DNAH17: variants seen among roughly 807,000 people sequenced by gnomAD.
The protein encoded by DNAH17 is dynein axonemal heavy chain 17, also known as axonemal beta dynein heavy chain 17.
A neutral mutation model predicts 485.6 loss-of-function variants in DNAH17; 376 were observed. The observed-to-expected ratio is 0.77, with a 90% confidence interval of 0.71 to 0.84. The LOEUF (loss-of-function observed/expected upper bound fraction) is 0.84, where lower values mean the gene tolerates loss of function less well. DNAH17 is among the 40% of genes least tolerant of loss of function. The pLI is 0.00. For missense variants in DNAH17, 6,370 were observed against 5,839.3 expected, an observed-to-expected ratio of 1.09 and a Z score of -2.96; for synonymous variants, 3,031 against 2,405.9, an observed-to-expected ratio of 1.26 and a Z score of -7.60.
At chr17:78,455,906 C>A in intron 62 of DNAH17, 70 bp from the exon 63 acceptor site, 1 of 1,271,146 alleles carries the variant, frequency 7.9e-7, no homozygotes, top group South Asian at 1.8e-5. Context: ...AAGCCTCCAC[C>A]TCTGCACCTC....
In DNAH17 at chr17:78,441,080, A is replaced by T; in HGVS notation, c.11648T>A (p.Val3883Asp). The T allele has an allele frequency of 6.2e-7, 1 of 1,607,330 alleles. No individual in the cohort carries two copies. ...TSIFFILSPGVDPLKDVEALG... is the reference protein window; with the variant it reads ...TSIFFILSPGDDPLKDVEALG... Reference sequence around the variant, plus strand: ...GGCTTCCACGTCTTTCAAGGGGTCAACCCCCGGGGAGAGGATGAAGAAGAT... The same window carrying T: ...GGCTTCCACGTCTTTCAAGGGGTCATCCCCCGGGGAGAGGATGAAGAAGAT... Residue 3883 changes from valine (V) to aspartate (D), a missense_variant, in exon 72 of 81, where the codon GTT becomes GAT. Val to Asp is a radical substitution (Grantham distance 152, BLOSUM62 -3). Transcript: ENST00000389840.
intron 25 of DNAH17, among the ~76,000 whole-genome samples, chr17:78,521,596 A>G (rs1263219640): frequency 1.3e-5 from 2 of 152,206 alleles, no homozygotes; most frequent in African/African-American, 2.4e-5. Flanking sequence ...AGCATAGGAG[A>G]AAATCTTTAG....
intron 80 of DNAH17, 44 bp from the exon 81 acceptor site, chr17:78,424,197 G>T: frequency 6.4e-7 from 1 of 1,569,852 alleles, no homozygotes. Context: ...CTGCCAGTAA[G>T]TGAGGGAGGG....
At chr17:78,557,736 G>GCTA (rs1357732164) in intron 14 of DNAH17, among the ~76,000 whole-genome samples, 3 of 149,938 alleles carry the variant, frequency 2.0e-5, no homozygotes, top group African/African-American at 4.9e-5. Flanking sequence ...TATCTTTGCT[G>GCTA]CTATTTGCAT....
intron 73 of DNAH17, among the ~76,000 whole-genome samples, chr17:78,438,575 G>A (rs952522283): frequency 6.7e-6 from 1 of 148,940 alleles, no homozygotes; most frequent in East Asian, 2.0e-4. Flanking sequence ...TTGGCTCACT[G>A]CAACCTCTGC....
rs2089112399 is a variant in DNAH17 at position 78,477,918 on chromosome 17, C to CCACCACCAT, written c.7992+1106_7992+1107insATGGTGGTG. Among the ~76,000 whole-genome samples, 4 of 143,278 alleles carry CCACCACCAT rather than the reference C, an allele frequency of 2.8e-5. No homozygotes were observed. In the South Asian group the frequency reaches 8.8e-4, roughly 32 times the overall value. The allele number at this position is 143,278 out of a possible 152,430, so 94.0% of individuals were successfully genotyped here. On this transcript the variant is annotated intron_variant, in intron 51 of 80. Coordinates refer to ENST00000389840, the MANE Select transcript of DNAH17 (RefSeq NM_173628.4). ...CACCACCATCATCATTACCACATCA[C>CCACCACCAT]CATCACCACCATCATCACCACCATC...
intron 54 of DNAH17, among the ~76,000 whole-genome samples, chr17:78,473,564 A>G (rs1189828248): frequency 6.6e-6 from 1 of 151,272 alleles, no homozygotes; most frequent in Non-Finnish European, 1.5e-5. Context: ...AAAAAAAAAA[A>G]AGAAATGACA....
chr17:78,491,996 A>G (rs926770374), intron 42 of DNAH17, among the ~76,000 whole-genome samples: 3 of 152,094 alleles, frequency 2.0e-5, no homozygotes, highest in Non-Finnish European at 2.9e-5. Flanking sequence ...ACAGAGCTTG[A>G]CTTCTAGTAG....
rs372224576 is a variant in DNAH17 at position 78,461,574 on chromosome 17, C to G, written c.9309G>C (p.Gln3103His). The G allele has an allele frequency of 5.0e-6, 8 of 1,602,164 alleles. No homozygotes were observed. In the African/African-American group the frequency reaches 5.3e-5, roughly 11 times the overall value. ...KVSKEKAIADQEEVKVEVINK... is the reference protein window; with the variant it reads ...KVSKEKAIADHEEVKVEVINK... Reference sequence around the variant, plus strand: ...TGATGACCTCGACCTTGACTTCTTCCTGGTCAGCAATGGCCTTCTCTTTGC... The same window carrying G: ...TGATGACCTCGACCTTGACTTCTTCGTGGTCAGCAATGGCCTTCTCTTTGC... Residue 3103 changes from glutamine (Q) to histidine (H), a missense_variant, in exon 58 of 81, where the codon CAG (glutamine) becomes CAC (histidine). Physicochemically the swap from Gln to His is conservative, Grantham distance 24. Transcript: ENST00000389840.
At chr17:78,440,964 CAT>C (rs2087051566) in intron 72 of DNAH17, 85 bp downstream of exon 72, 7 of 1,491,782 alleles carry the variant, frequency 4.7e-6, no homozygotes, top group Admixed American at 2.0e-5. Context: ...AGTGGTGTCT[CAT>C]GTGCTTTTGG....
chr17:78,537,566 C>A (rs1197417127), intron 18 of DNAH17, 85 bp from the exon 19 acceptor site: 8 of 1,426,728 alleles, frequency 5.6e-6, no homozygotes, highest in Non-Finnish European at 7.7e-6. Context: ...CACTCCGTAC[C>A]ATCAATGTGT....
At position 78,451,572 on chromosome 17, in the gene DNAH17, G is replaced by A. The variant is rs1339353141; in HGVS notation, c.10631C>T (p.Ala3544Val). The change falls in exon 66 of 81, where the codon GCT becomes GTT. Residue 3544 changes from alanine to valine, a missense_variant. Ala to Val is a moderately conservative substitution (Grantham distance 64, BLOSUM62 0). Coordinates refer to ENST00000389840, the MANE Select transcript of DNAH17 (RefSeq NM_173628.4). ...CAGGAAGTTGATGAGGGTGCACTGA[G>A]CCTGCATCTCTGGCTTGTAGTGTGG... is the stretch of plus-strand genomic sequence containing the variant. ...FNPHYKPEMQ[A>V]QCTLINFLVT... 3.7e-6 allele frequency: 6 copies of A among 1,613,504 alleles called. No homozygotes were observed. The highest frequency in any genetic ancestry group is 1.3e-5 in the African/African-American group (1 of 74,900).
chr17:78,466,581 C>G (rs2088469153), intron 56 of DNAH17, 74 bp downstream of exon 56: 5 of 1,428,732 alleles, frequency 3.5e-6, no homozygotes, highest in Non-Finnish European at 4.6e-6. Context: ...CCTTTTCTCC[C>G]AGGGAGCCAG....
rs1481062360 is a variant in DNAH17 at position 78,475,848 on chromosome 17, A to G, written c.8155-15T>C. 10 of 1,606,188 alleles carry G rather than the reference A, an allele frequency of 6.2e-6. No individual in the cohort carries two copies. Among genetic ancestry groups the G allele is most frequent in the Non-Finnish European group, 5.1e-6 (6 of 1,177,710 alleles). ...TCACCAAGATCCTAGAAAAAGAAAA[A>G]AAAAGACGATACTTCCGGTTTTTGC... On this transcript the variant is annotated splice_polypyrimidine_tract_variant and intron_variant, in intron 52 of 80. Coordinates refer to ENST00000389840, the MANE Select transcript of DNAH17 (RefSeq NM_173628.4).
chr17:78,574,903 AGC>A lies in DNAH17; in HGVS notation c.153_154del (p.Leu52GlyfsTer73). ...GCCGGCTGCATTGAGCGTCAGCACC[AGC>A]ACCTGGACGTCGGGCTTTTCAAAGA... is the stretch of plus-strand genomic sequence containing the variant. On this transcript the variant is annotated frameshift_variant, in exon 2 of 81. Coordinates refer to ENST00000389840, the MANE Select transcript of DNAH17 (RefSeq NM_173628.4). LOFTEE classifies it high-confidence loss of function. The A allele has an allele frequency of 6.2e-6, 10 of 1,614,026 alleles. No homozygotes were observed. The highest frequency in any genetic ancestry group is 8.5e-6 in the Non-Finnish European group (10 of 1,179,886).
intron 16 of DNAH17, among the ~76,000 whole-genome samples, chr17:78,548,420 G>A (rs1029372366): frequency 6.6e-6 from 1 of 151,976 alleles, no homozygotes; most frequent in Non-Finnish European, 1.5e-5. Context: ...TAGCCAGGAT[G>A]GTCTCGATCT....
In DNAH17 at chr17:78,450,717, T is replaced by C; in HGVS notation, c.10864A>G (p.Thr3622Ala). The change falls in exon 67 of 81, where the codon ACC becomes GCC. Residue 3622 changes from threonine to alanine, a missense_variant. Thr to Ala is a moderately conservative substitution (Grantham distance 58, BLOSUM62 0). Transcript: ENST00000389840. ...GDTALVENLE[T>A]TKHTASEIEE... Reference sequence around the variant, plus strand: ...ATCTCGCTGGCTGTGTGCTTGGTGGTCTCCAGATTCTCCACCAAGGCCGTG... The same window carrying C: ...ATCTCGCTGGCTGTGTGCTTGGTGGCCTCCAGATTCTCCACCAAGGCCGTG... 5 of 1,613,802 alleles carry C rather than the reference T, an allele frequency of 3.1e-6. No homozygotes were observed. Among genetic ancestry groups the C allele is most frequent in the Non-Finnish European group, 4.2e-6 (5 of 1,179,848 alleles).
chr17:78,433,465 TGTGTGG>T (rs2086751396), intron 75 of DNAH17, among the ~76,000 whole-genome samples: 1 of 152,106 alleles, frequency 6.6e-6, no homozygotes. Flanking sequence ...TTACGGAGGA[TGTGTGG>T]CTTTCTACTC....
intron 11 of DNAH17, among the ~76,000 whole-genome samples, 199 bp from the exon 12 acceptor site, chr17:78,562,179 C>T (rs1246403058): frequency 2.0e-5 from 3 of 152,136 alleles, no homozygotes; most frequent in South Asian, 2.1e-4. Flanking sequence ...TGACTTAGGC[C>T]GAGTCCCCAA....
Sources: allele counts gnomAD v4.1 joint callset (sites outside exome capture counted in the v4.1 genomes callset), GRCh38; gene constraint gnomAD v4.1.1; transcripts MANE v1.5; gene names NCBI Gene and HGNC (gene_info 2026-07-23, HGNC 2026-07-21).